The following CSMD2 variants were observed in gnomAD, a reference collection of about 807,000 sequenced individuals.
The protein encoded by CSMD2 is CUB and Sushi multiple domains 2.
In CSMD2, 130 loss-of-function variants were observed where a neutral mutation model predicts 398.5. The ratio of observed to expected loss-of-function variants is 0.33; its 90% CI spans 0.28 to 0.38. The LOEUF (loss-of-function observed/expected upper bound fraction) is 0.38. CSMD2 is among the 10% of genes least tolerant of loss of function. The pLI is 1.00. For synonymous variants in CSMD2, 1,828 were observed against 1,908.5 expected (o/e 0.96, Z 1.10); for missense variants, 3,829 against 4,764.9 (o/e 0.80, Z 5.78).
intron 5 of CSMD2, among the ~76,000 whole-genome samples, chr1:33,876,343 A>C (rs553343294): frequency 5.8e-4 from 88 of 152,346 alleles, no homozygotes; most frequent in African/African-American, 2.0e-3. Flanking sequence ...TGTCATTGCT[A>C]CTTACTAGCC....
At chr1:33,945,192 T>C (rs185776625) in intron 3 of CSMD2, among the ~76,000 whole-genome samples, 93 of 151,994 alleles carry the variant, frequency 6.1e-4, no homozygotes, top group Non-Finnish European at 1.0e-3. Context: ...GGCCCCAGAA[T>C]AGAGCTGCCA....
At chr1:33,759,266 G>C (rs1023808754) in intron 13 of CSMD2, among the ~76,000 whole-genome samples, 1 of 151,850 alleles carries the variant, frequency 6.6e-6, no homozygotes, top group African/African-American at 2.4e-5. Flanking sequence ...TGGGATGAGG[G>C]GGAGAGAGGT....
intron 1 of CSMD2, among the ~76,000 whole-genome samples, chr1:34,134,268 A>G (rs1475461627): frequency 2.0e-5 from 3 of 152,052 alleles, no homozygotes; most frequent in Non-Finnish European, 4.4e-5. Context: ...AACCCATTAT[A>G]GTAATAGTCT....
intron 67 of CSMD2, among the ~76,000 whole-genome samples, chr1:33,522,375 T>C (rs1407706989): frequency 6.6e-6 from 1 of 152,240 alleles, no homozygotes; most frequent in Non-Finnish European, 1.5e-5. Flanking sequence ...GCTAGCTCCA[T>C]GTCCCAACTT....
intron 1 of CSMD2, among the ~76,000 whole-genome samples, chr1:34,155,602 G>A (rs1381673888): frequency 6.6e-6 from 1 of 152,144 alleles, no homozygotes; most frequent in African/African-American, 2.4e-5. Context: ...CAGGCCACTG[G>A]AGGGTAAGAA....
At chr1:34,064,691 T>G (rs1290518095) in intron 2 of CSMD2, among the ~76,000 whole-genome samples, 1 of 152,226 alleles carries the variant, frequency 6.6e-6, no homozygotes, top group East Asian at 1.9e-4. Context: ...CCAAAGTTGC[T>G]TCCACATTTT....
intron 6 of CSMD2, among the ~76,000 whole-genome samples, chr1:33,842,168 A>G (rs1228888466): frequency 6.6e-6 from 1 of 152,100 alleles, no homozygotes; most frequent in Admixed American, 6.6e-5. Flanking sequence ...TGACTCCTTC[A>G]TCTCCTTCAA....
At chr1:34,161,997 C>T (rs563846548) in intron 1 of CSMD2, among the ~76,000 whole-genome samples, 1 of 151,826 alleles carries the variant, frequency 6.6e-6, no homozygotes, top group South Asian at 2.1e-4. Flanking sequence ...ATGGAGAAAC[C>T]CCCCTTCTCT....
At chr1:33,960,250 C>T (rs1436189735) in intron 3 of CSMD2, among the ~76,000 whole-genome samples, 2 of 152,182 alleles carry the variant, frequency 1.3e-5, no homozygotes, top group Non-Finnish European at 2.9e-5. Context: ...GGATGGGTCT[C>T]GGCCTCAGAC....
chr1:33,583,609 A>G (rs370466677), intron 47 of CSMD2, 33 bp downstream of exon 47: 4 of 1,599,892 alleles, frequency 2.5e-6, no homozygotes, highest in Non-Finnish European at 3.4e-6. Context: ...TGTCTTCTGC[A>G]GCAGAGAACT....
chr1:33,673,743 T>A (rs1644598737), intron 25 of CSMD2, among the ~76,000 whole-genome samples: 2 of 152,210 alleles, frequency 1.3e-5, no homozygotes, highest in African/African-American at 4.8e-5. Context: ...GGGAAGCCCA[T>A]CAGACTAACA....
At chr1:33,855,921 T>A (rs1570281410) in intron 5 of CSMD2, among the ~76,000 whole-genome samples, 1 of 152,272 alleles carries the variant, frequency 6.6e-6, no homozygotes. Flanking sequence ...AAGCAATAGG[T>A]TTAAAAAGGT....
intron 1 of CSMD2, among the ~76,000 whole-genome samples, chr1:34,129,825 T>C (rs967738974): frequency 1.3e-5 from 2 of 152,206 alleles, no homozygotes; most frequent in African/African-American, 2.4e-5. Context: ...GGAACAAGCC[T>C]GGCCTGCAGA....
intron 62 of CSMD2, among the ~76,000 whole-genome samples, chr1:33,534,895 C>T (rs760171289): frequency 1.3e-5 from 2 of 152,172 alleles, no homozygotes; most frequent in South Asian, 2.1e-4. Context: ...CCCGAACAAG[C>T]GTTCAGGATC....
rs568056904 is a variant in CSMD2 at position 33,899,948 on chromosome 1, T to C, written c.920+18146A>G. ...CTCGGTCAGCCTGAAGCTGCCTCCC[T>C]GACTTATCAACTGCAGAGGCCAAGA... On this transcript the variant is annotated intron_variant, in intron 5 of 70. Coordinates refer to ENST00000373381, the MANE Select transcript of CSMD2 (RefSeq NM_001281956.2). Among the ~76,000 whole-genome samples, 3 of 152,296 alleles carry C rather than the reference T, an allele frequency of 2.0e-5. No homozygotes were observed. In the East Asian group the frequency reaches 5.8e-4, roughly 29 times the overall value.
chr1:34,038,334 C>A (rs564266101), intron 2 of CSMD2, among the ~76,000 whole-genome samples: 2 of 152,298 alleles, frequency 1.3e-5, no homozygotes, highest in South Asian at 4.1e-4. Flanking sequence ...AGGTGAGAGT[C>A]CCCTGTTGCT....
At chr1:33,576,521 G>A (rs771653254) in intron 49 of CSMD2, among the ~76,000 whole-genome samples, 27 of 152,274 alleles carry the variant, frequency 1.8e-4, no homozygotes, top group Non-Finnish European at 3.5e-4. Flanking sequence ...AACCCAGGAG[G>A]CAGAGGTTGC....
intron 2 of CSMD2, among the ~76,000 whole-genome samples, chr1:34,036,557 TGAG>T (rs1045898041): frequency 3.9e-5 from 6 of 152,182 alleles, no homozygotes; most frequent in African/African-American, 1.4e-4. Context: ...AGAGGTAGTA[TGAG>T]GAGATCTTTG....
chr1:33,529,756 T>C (rs1655081823), intron 64 of CSMD2, among the ~76,000 whole-genome samples: 1 of 152,072 alleles, frequency 6.6e-6, no homozygotes, highest in African/African-American at 2.4e-5. Context: ...CAAAAGCATA[T>C]GCAACCCCCA....
Sources: allele counts gnomAD v4.1 joint callset (sites outside exome capture counted in the v4.1 genomes callset), GRCh38; gene constraint gnomAD v4.1.1; transcripts MANE v1.5; gene names NCBI Gene and HGNC (gene_info 2026-07-23, HGNC 2026-07-21).